RORC: variants seen among roughly 807,000 people sequenced by gnomAD.
RORC encodes RAR related orphan receptor C.
In RORC, 13 loss-of-function variants were observed where a neutral mutation model predicts 64.5. That is an observed-to-expected ratio of 0.20 (90% CI 0.13 to 0.32). The LOEUF (loss-of-function observed/expected upper bound fraction) is 0.32, where lower values mean the gene tolerates loss of function less well. Ranked by LOEUF, RORC falls within the 10% of genes least tolerant of loss-of-function variation. The pLI is 1.00. For synonymous variants in RORC, 277 were observed against 259.3 expected (o/e 1.07, Z -0.65); for missense variants, 468 against 669.5 (o/e 0.70, Z 3.32).
intron 2 of RORC, among the ~76,000 whole-genome samples, chr1:151,827,043 G>T (rs571153620): frequency 6.6e-6 from 1 of 152,310 alleles, no homozygotes; most frequent in Admixed American, 6.5e-5. Flanking sequence ...GCTTGAACCC[G>T]GGAGGCGGAG....
chr1:151,826,058 A>C (rs1201891664), intron 2 of RORC: 1 of 1,565,772 alleles, frequency 6.4e-7, no homozygotes, highest in Non-Finnish European at 8.6e-7. Context: ...CTCAGCCTGA[A>C]GCTCTGCACC....
In RORC at chr1:151,807,770, A is replaced by G; in HGVS notation, c.1396-137T>C. On this transcript the variant is annotated intron_variant, in intron 10 of 10. Transcript: ENST00000318247. This position sits in a 1 kb window ranked among gnomAD's most constrained non-coding sequence, Gnocchi z 5.0. ...GTACTTGGCACTTTGGCACCAGCCA[A>G]ATCCCACTGGTAGAAGTACGTGTGT... 1 of 830,352 alleles carries G rather than the reference A, an allele frequency of 1.2e-6. No individual in the cohort carries two copies. Among genetic ancestry groups the G allele is most frequent in the South Asian group, 1.8e-5 (1 of 55,768 alleles). The allele number at this position is 830,352 out of a possible 1,614,324, so 51.4% of individuals were successfully genotyped here. A position where few individuals can be genotyped will look rare whatever the true frequency, so the allele number is the denominator to read the frequency against.
intron 2 of RORC, among the ~76,000 whole-genome samples, chr1:151,818,532 C>A (rs118082368): frequency 6.6e-6 from 1 of 152,200 alleles, no homozygotes. Flanking sequence ...AGGAGGCCTT[C>A]TCCCAGCTCT....
intron 2 of RORC, among the ~76,000 whole-genome samples, chr1:151,818,042 A>G (rs1651838539): frequency 6.6e-6 from 1 of 152,234 alleles, no homozygotes; most frequent in African/African-American, 2.4e-5. Flanking sequence ...TGAATCATCA[A>G]TGTTAAAAAT....
At chr1:151,823,793 AC>A (rs1345377207) in intron 2 of RORC, among the ~76,000 whole-genome samples, 57 of 152,244 alleles carry the variant, frequency 3.7e-4, no homozygotes, top group African/African-American at 1.4e-3. Context: ...GGTACACGCC[AC>A]CATGCCCAGC....
intron 5 of RORC, 60 bp from the exon 6 acceptor site, chr1:151,814,755 A>C: frequency 6.3e-7 from 1 of 1,575,070 alleles, no homozygotes; most frequent in Non-Finnish European, 8.7e-7. Flanking sequence ...CTACCCATGC[A>C]AGGGCACTTC....
In RORC at chr1:151,830,129, G is replaced by C. The variant is rs2101679967; in HGVS notation, c.41-671C>G. 6.6e-6 allele frequency among the ~76,000 whole-genome samples: 1 copy of C among 152,272 alleles called. No homozygotes were observed. Among genetic ancestry groups the C allele is most frequent in the South Asian group, 2.1e-4 (1 of 4,826 alleles). On this transcript the variant is annotated intron_variant, in intron 1 of 10. Coordinates refer to ENST00000318247, the MANE Select transcript of RORC (RefSeq NM_005060.4). The surrounding 1 kb of genome is among the most constrained non-coding windows in gnomAD (Gnocchi z 4.0). ...TGGGAGTAGGGGGAGAGGATGTTTG[G>C]AGGAAGAGGAGGGGAGAGTTGCAAA...
chr1:151,831,779 G>T lies in RORC; in HGVS notation c.-15C>A. On this transcript the variant is annotated 5_prime_UTR_variant, in exon 1 of 11. Coordinates refer to ENST00000318247, the MANE Select transcript of RORC (RefSeq NM_005060.4). Reference sequence around the variant, plus strand: ...GCCCTGTCCATGGGGCAGCTCCCTTGGTGCCGTCCTGGCTGCCCTGGCTGC... The same window carrying T: ...GCCCTGTCCATGGGGCAGCTCCCTTTGTGCCGTCCTGGCTGCCCTGGCTGC... 4 of 1,607,328 alleles carry T rather than the reference G, an allele frequency of 2.5e-6. No individual in the cohort carries two copies. The highest frequency in any genetic ancestry group is 3.4e-6 in the Non-Finnish European group (4 of 1,179,650).
intron 2 of RORC, among the ~76,000 whole-genome samples, chr1:151,818,462 C>T (rs1213041153): frequency 2.0e-5 from 3 of 152,174 alleles, no homozygotes; most frequent in Non-Finnish European, 4.4e-5. Flanking sequence ...CTAAGCTCAT[C>T]TCTGCTTTGC....
At chr1:151,826,150 AC>A in intron 2 of RORC, 1 of 1,223,152 alleles carries the variant, frequency 8.2e-7, no homozygotes, top group Non-Finnish European at 1.0e-6. Flanking sequence ...CCCCCACCCC[AC>A]CCCCAAGGGG....
In RORC at chr1:151,807,487, C is replaced by A. The variant is rs2101649076; in HGVS notation, c.1542G>T (p.Val514=). The part of the protein sequence containing the change: ...ELFSTETESP[V]GLSK ...CTCTTCCAGGTCACTTGGACAGCCC[C>A]ACAGGTGACTCGGTTTCAGTGCTGA... is the stretch of plus-strand genomic sequence containing the variant. The change falls in exon 11 of 11, where the codon GTG becomes GTT. Residue 514 remains valine (V), a synonymous_variant. Transcript: ENST00000318247. This position sits in a 1 kb window ranked among gnomAD's most constrained non-coding sequence, Gnocchi z 5.0. 1 of 1,614,186 alleles carries A rather than the reference C, an allele frequency of 6.2e-7. No homozygotes were observed. The highest frequency in any genetic ancestry group is 2.2e-5 in the East Asian group (1 of 44,884).
chr1:151,807,562 G>A lies in RORC; in HGVS notation c.1467C>T (p.Leu489=). 1 of 1,613,834 alleles carries A rather than the reference G, an allele frequency of 6.2e-7. No homozygotes were observed. The highest frequency in any genetic ancestry group is 8.5e-7 in the Non-Finnish European group (1 of 1,179,898). The change falls in exon 11 of 11, where the codon CTC becomes CTT. Residue 489 remains leucine (L), a synonymous_variant. Coordinates refer to ENST00000318247, the MANE Select transcript of RORC (RefSeq NM_005060.4). This position sits in a 1 kb window ranked among gnomAD's most constrained non-coding sequence, Gnocchi z 5.0. ...AAGCGGCTTGGACCACGATGGGGTG[G>A]AGGTGCTGGAAGATCTGCAGCCTTT... ...HVERLQIFQH[L]HPIVVQAAFP... is the part of the protein sequence containing the mutation.
At chr1:151,826,765 A>C (rs533570078) in intron 2 of RORC, among the ~76,000 whole-genome samples, 1 of 152,364 alleles carries the variant, frequency 6.6e-6, no homozygotes, top group South Asian at 2.1e-4. Context: ...AATAGTGCTT[A>C]CTATTATGTG....
At position 151,817,186 on chromosome 1, in the gene RORC, A is replaced by G. The variant is rs1373753591; in HGVS notation, c.156+9T>C. ...CACACATGCATGCATACACATGCCT[A>G]TGACTCACCTTGCACCCCTCACAGG... is the stretch of plus-strand genomic sequence containing the variant. On this transcript the variant is annotated intron_variant, in intron 3 of 10. Transcript: ENST00000318247. 2.5e-6 allele frequency: 4 copies of G among 1,605,688 alleles called. No homozygotes were observed. In the African/African-American group the frequency reaches 4.0e-5, roughly 16 times the overall value.
intron 10 of RORC, 104 bp downstream of exon 10, chr1:151,811,221 C>A: frequency 1.5e-6 from 1 of 652,448 alleles, no homozygotes; most frequent in Non-Finnish European, 2.7e-6. Context: ...GAGTGGTACT[C>A]CCGCACTCCC....
At chr1:151,817,120 G>GTGTGTGTT (rs1651790750) in intron 3 of RORC, 75 bp downstream of exon 3, 5 of 892,650 alleles carry the variant, frequency 5.6e-6, no homozygotes, top group South Asian at 2.7e-5. Flanking sequence ...CACTGTGTGT[G>GTGTGTGTT]TGTGTGTGTG....
intron 2 of RORC, among the ~76,000 whole-genome samples, chr1:151,826,922 G>A (rs973779151): frequency 3.9e-5 from 6 of 152,176 alleles, no homozygotes; most frequent in Admixed American, 1.3e-4. Context: ...GTTCGAGACC[G>A]GCCTGGCCAA....
intron 8 of RORC, 71 bp from the exon 9 acceptor site, chr1:151,813,128 G>T: frequency 6.8e-7 from 1 of 1,460,110 alleles, no homozygotes; most frequent in Admixed American, 1.7e-5. Flanking sequence ...CGCCCTTATT[G>T]TGTTTAGAGC....
At chr1:151,823,906 T>C (rs534910559) in intron 2 of RORC, among the ~76,000 whole-genome samples, 12 of 152,308 alleles carry the variant, frequency 7.9e-5, no homozygotes, top group African/African-American at 2.6e-4. Flanking sequence ...AGTGGGATTA[T>C]AGGCATGAGC....
Sources: allele counts gnomAD v4.1 joint callset (sites outside exome capture counted in the v4.1 genomes callset), GRCh38; gene constraint gnomAD v4.1.1; non-coding constraint Gnocchi (gnomAD v3.1); transcripts MANE v1.5; gene names NCBI Gene and HGNC (gene_info 2026-07-23, HGNC 2026-07-21).